The following PSMC2 variants were observed in gnomAD, a reference collection of about 807,000 sequenced individuals.
PSMC2 encodes the protein 26S proteasome regulatory subunit 7.
Under a neutral mutation model 53.3 loss-of-function variants are expected in PSMC2, and 7 were observed. The ratio of observed to expected loss-of-function variants is 0.13; its 90% CI spans 0.07 to 0.25. PSMC2 has a LOEUF of 0.25. Among genes scored for constraint, PSMC2 ranks in the 10% least tolerant of loss-of-function variants. The probability of loss-of-function intolerance (pLI) is 1.00; values close to 1 mark genes in which losing one functional copy is unlikely to be tolerated. For synonymous variants in PSMC2, 169 were observed against 183.9 expected, an observed-to-expected ratio of 0.92 and a Z score of 0.66; for missense variants, 241 against 544.0, an observed-to-expected ratio of 0.44 and a Z score of 5.54.
intron 1 of PSMC2, chr7:103,348,684 C>G (rs752007973): frequency 6.3e-7 from 1 of 1,588,892 alleles, no homozygotes; most frequent in East Asian, 2.2e-5. Flanking sequence ...CAAACCGGCA[C>G]GGTCTGATCC....
chr7:103,365,729 G>A (rs28675125), intron 8 of PSMC2, among the ~76,000 whole-genome samples: 9,749 of 151,966 alleles, frequency 0.064, 472 homozygotes, highest in African/African-American at 0.14. Context: ...GGAGTTCAAT[G>A]CCAGCCTGGC....
At chr7:103,359,361 CT>C (rs1024044830) in intron 4 of PSMC2, among the ~76,000 whole-genome samples, 1 of 151,844 alleles carries the variant, frequency 6.6e-6, no homozygotes, top group African/African-American at 2.4e-5. Flanking sequence ...GAGGTTCACT[CT>C]TTTAAAGTAT....
intron 4 of PSMC2, among the ~76,000 whole-genome samples, chr7:103,357,851 G>C (rs1430742196): frequency 6.6e-6 from 1 of 152,118 alleles, no homozygotes; most frequent in Non-Finnish European, 1.5e-5. Context: ...CTGCTCTTCA[G>C]ATGCATTAGA....
chr7:103,357,600 A>G (rs1425886897), intron 4 of PSMC2, among the ~76,000 whole-genome samples: 1 of 152,112 alleles, frequency 6.6e-6, no homozygotes, highest in Non-Finnish European at 1.5e-5. Context: ...CACCTTTCCT[A>G]TCCCCTCATC....
intron 1 of PSMC2, 46 bp downstream of exon 1, chr7:103,347,827 C>A: frequency 1.9e-6 from 3 of 1,605,296 alleles, no homozygotes; most frequent in East Asian, 4.5e-5. Flanking sequence ...GGGACTGGAG[C>A]GGAGCTGCCT....
Position 103,368,301 on chromosome 7 carries a change from A to T in PSMC2, c.*247A>T. 2.7e-6 allele frequency: 1 copy of T among 372,388 alleles called. No individual in the cohort carries two copies. The highest frequency in any genetic ancestry group is 4.9e-5 in the East Asian group (1 of 20,298). The allele number at this position is 372,388 out of a possible 1,614,324, so 23.1% of individuals were successfully genotyped here. On this transcript the variant is annotated 3_prime_UTR_variant, in exon 12 of 12. Coordinates refer to ENST00000292644, the MANE Select transcript of PSMC2 (RefSeq NM_002803.4). The stretch of plus-strand genomic sequence containing the variant: ...CACATCATACAAAGCGCTTGCTTAG[A>T]TGGCTTCTATCCTAGGCATATGCTG...
At position 103,369,257 on chromosome 7, in the gene PSMC2, C is replaced by G. The variant is rs1163925818; in HGVS notation, c.*1203C>G. The stretch of plus-strand genomic sequence containing the variant: ...TCAGAAAAATTCATCTTTTTTAACC[C>G]TGCCCTAATTTTTCTTGAGGAATTA... On this transcript the variant is annotated 3_prime_UTR_variant, in exon 12 of 12. Coordinates refer to ENST00000292644, the MANE Select transcript of PSMC2 (RefSeq NM_002803.4). The G allele has an allele frequency of 6.6e-6, 1 of 152,088 alleles. No individual in the cohort carries two copies. The highest frequency in any genetic ancestry group is 1.9e-4 in the East Asian group (1 of 5,200). The allele number at this position is 152,088 out of a possible 1,614,324, so 9.4% of individuals were successfully genotyped here.
chr7:103,361,050 A>ATTGT (rs1820360102), intron 4 of PSMC2, among the ~76,000 whole-genome samples: 1 of 149,742 alleles, frequency 6.7e-6, no homozygotes, highest in Non-Finnish European at 1.5e-5. Context: ...GGAGGCGGAG[A>ATTGT]TTGTAATGAG....
At chr7:103,359,796 TTGAC>T (rs1174283602) in intron 4 of PSMC2, among the ~76,000 whole-genome samples, 2 of 152,162 alleles carry the variant, frequency 1.3e-5, no homozygotes. Context: ...AGGTTTTTGT[TTGAC>T]TGGGCGCAGT....
chr7:103,354,346 T>C (rs1402745502), intron 2 of PSMC2, among the ~76,000 whole-genome samples: 1 of 152,076 alleles, frequency 6.6e-6, no homozygotes, highest in Non-Finnish European at 1.5e-5. Flanking sequence ...ATCGATAGTT[T>C]TGCATAATTT....
chr7:103,368,292 C>T lies in PSMC2; in HGVS notation c.*238C>T, dbSNP rs539028412. ...TAAGGATTTCACATCATACAAAGCG[C>T]TTGCTTAGATGGCTTCTATCCTAGG... On this transcript the variant is annotated 3_prime_UTR_variant, in exon 12 of 12. Transcript: ENST00000292644. 1 of 403,548 alleles carries T rather than the reference C, an allele frequency of 2.5e-6. No homozygotes were observed. Among genetic ancestry groups the T allele is most frequent in the Non-Finnish European group, 4.4e-6 (1 of 228,840 alleles). The allele number at this position is 403,548 out of a possible 1,614,324, so 25.0% of individuals were successfully genotyped here. A position where few individuals can be genotyped will look rare whatever the true frequency, so the allele number is the denominator to read the frequency against.
Position 103,367,319 on chromosome 7 carries a change from A to C in PSMC2, c.845-94A>C. 1 of 1,173,100 alleles carries C rather than the reference A, an allele frequency of 8.5e-7. No homozygotes were observed. The highest frequency in any genetic ancestry group is 1.3e-5 in the South Asian group (1 of 74,780). 72.7% of individuals were successfully genotyped at this position (1,173,100 alleles called of 1,614,324 possible). Reference sequence around the variant, plus strand: ...TGGGATGTCACTTGTGCCTGAGGACATGATTTGAGCTGAGATTTTTGGTAC... The same window carrying C: ...TGGGATGTCACTTGTGCCTGAGGACCTGATTTGAGCTGAGATTTTTGGTAC... On this transcript the variant is annotated intron_variant, in intron 9 of 11. Coordinates refer to ENST00000292644, the MANE Select transcript of PSMC2 (RefSeq NM_002803.4). This position sits in a 1 kb window ranked among gnomAD's most constrained non-coding sequence, Gnocchi z 6.1.
intron 4 of PSMC2, among the ~76,000 whole-genome samples, chr7:103,357,199 G>A (rs758542118): frequency 2.4e-4 from 37 of 151,966 alleles, no homozygotes; most frequent in Admixed American, 1.0e-3. Flanking sequence ...GGTGGCGGGC[G>A]CTTGTAATCC....
chr7:103,356,447 C>T (rs994807940), intron 4 of PSMC2, among the ~76,000 whole-genome samples: 1 of 152,160 alleles, frequency 6.6e-6, no homozygotes, highest in Non-Finnish European at 1.5e-5. Flanking sequence ...CCAGTTTATA[C>T]TTTTACCAAG....
intron 8 of PSMC2, among the ~76,000 whole-genome samples, chr7:103,365,561 G>A (rs908899910): frequency 3.3e-5 from 5 of 152,022 alleles, no homozygotes; most frequent in African/African-American, 4.8e-5. Context: ...CCCAGAAGGC[G>A]AAGGTTGCAC....
At chr7:103,362,238 T>G in intron 5 of PSMC2, 150 bp downstream of exon 5, 1 of 1,441,226 alleles carries the variant, frequency 6.9e-7, no homozygotes, top group South Asian at 1.5e-5. Flanking sequence ...AATTCTGTCT[T>G]CTGCATCTGC....
intron 1 of PSMC2, chr7:103,348,454 TGTA>T (rs1203880675): frequency 2.6e-5 from 13 of 498,326 alleles, no homozygotes; most frequent in South Asian, 1.9e-4. Context: ...TTTCCTATCA[TGTA>T]GTCACTTCCT....
intron 4 of PSMC2, among the ~76,000 whole-genome samples, chr7:103,359,141 T>TTA (rs1820221491): frequency 2.1e-5 from 2 of 94,492 alleles, no homozygotes; most frequent in Admixed American, 1.0e-4. Flanking sequence ...TGTCTGGCTT[T>TTA]TTTTTTTTTT....
chr7:103,347,799 G>A lies in PSMC2; in HGVS notation c.70+18G>A. ...CATCCGAGGTCAGTTGACATGGGCC[G>A]GAGCTCGGAGCTGGGGCGGGACTGG... On this transcript the variant is annotated intron_variant, in intron 1 of 11. Transcript: ENST00000292644. 2 of 1,613,358 alleles carry A rather than the reference G, an allele frequency of 1.2e-6. No individual in the cohort carries two copies. The highest frequency in any genetic ancestry group is 1.3e-5 in the African/African-American group (1 of 75,012).
Sources: gnomAD v4.1 joint callset for allele counts (sites outside exome capture counted in the v4.1 genomes callset) on GRCh38, gnomAD v4.1.1 for gene constraint, Gnocchi (gnomAD v3.1) non-coding constraint, MANE v1.5 for transcripts, NCBI Gene and HGNC (gene_info 2026-07-23, HGNC 2026-07-21) for gene names.